The following COG3 variants were observed in gnomAD, a reference collection of about 807,000 sequenced individuals.
The protein encoded by COG3 is component of oligomeric golgi complex 3.
Under a neutral mutation model 114.1 loss-of-function variants are expected in COG3, and 32 were observed. The ratio of observed to expected loss-of-function variants is 0.28; its 90% confidence interval spans 0.21 to 0.38. The LOEUF (loss-of-function observed/expected upper bound fraction) is 0.38. COG3 is among the 10% of genes least tolerant of loss of function. The pLI is 1.00. For missense variants in COG3, 813 were observed against 973.2 expected (o/e 0.84, Z 2.19); for synonymous variants, 352 against 365.7 (o/e 0.96, Z 0.43).
intron 17 of COG3, among the ~76,000 whole-genome samples, chr13:45,518,067 C>T (rs1202819037): frequency 6.6e-6 from 1 of 152,220 alleles, no homozygotes; most frequent in Non-Finnish European, 1.5e-5. Context: ...TTCTTCATTA[C>T]TACCAGGGTC....
rs149840260 is a variant in COG3 at position 45,482,404 on chromosome 13, G to A, written c.648G>A (p.Ser216=). Reference sequence around the variant, plus strand: ...AGAAATTGAATTCCCCTACATTGTCGGTGAATAGTGACGGATTTATACCTA... The same window carrying A: ...AGAAATTGAATTCCCCTACATTGTCAGTGAATAGTGACGGATTTATACCTA... The part of the protein sequence containing the change: ...INTKLNSPTL[S]VNSDGFIPML... The change falls in exon 6 of 23, where the codon TCG becomes TCA. Residue 216 remains serine, a synonymous_variant. Transcript: ENST00000349995. 30 of 1,551,206 alleles carry A rather than the reference G, an allele frequency of 1.9e-5. No individual in the cohort carries two copies. In the East Asian group the frequency reaches 4.8e-4, roughly 25 times the overall value.
chr13:45,526,193 C>A (rs2137922205), intron 20 of COG3, among the ~76,000 whole-genome samples: 1 of 137,126 alleles, frequency 7.3e-6, no homozygotes, highest in Non-Finnish European at 1.5e-5. Context: ...TTAACCAATT[C>A]TCCTGCCTCA....
intron 13 of COG3, among the ~76,000 whole-genome samples, chr13:45,499,185 A>G (rs930499183): frequency 1.3e-5 from 2 of 151,790 alleles, no homozygotes; most frequent in African/African-American, 4.8e-5. Context: ...TCCTTTTCCC[A>G]TATCTCGTAT....
intron 12 of COG3, 72 bp downstream of exon 12, chr13:45,493,558 C>A (rs1887148140): frequency 1.5e-6 from 2 of 1,329,442 alleles, no homozygotes; most frequent in South Asian, 1.4e-5. Context: ...ATAAGTGCTT[C>A]TTCCCTCACC....
At position 45,509,550 on chromosome 13, in the gene COG3, T is replaced by A. The variant is rs182960587; in HGVS notation, c.1595-142T>A. Reference sequence around the variant, plus strand: ...TTTAGATTTCTTAGGGTATTCTTGATGAAAACTGAGGTGGGAAAAAATTGG... The same window carrying A: ...TTTAGATTTCTTAGGGTATTCTTGAAGAAAACTGAGGTGGGAAAAAATTGG... On this transcript the variant is annotated intron_variant, in intron 14 of 22. Coordinates refer to ENST00000349995, the MANE Select transcript of COG3 (RefSeq NM_031431.4). The A allele has an allele frequency of 5.7e-3, 4,897 of 858,116 alleles. 26 individuals are homozygous for A. The highest frequency in any genetic ancestry group is 6.1e-3 in the Non-Finnish European group (3,386 of 555,040). 53.2% of individuals were successfully genotyped at this position (858,116 alleles called of 1,614,324 possible).
intron 14 of COG3, among the ~76,000 whole-genome samples, chr13:45,506,788 G>C (rs905196646): frequency 6.6e-6 from 1 of 152,180 alleles, no homozygotes; most frequent in Non-Finnish European, 1.5e-5. Flanking sequence ...CACCTCTAAA[G>C]CTGGAAGTGA....
At chr13:45,524,947 A>G (rs1872533562) in intron 19 of COG3, 29 bp from the exon 20 acceptor site, 2 of 1,592,690 alleles carry the variant, frequency 1.3e-6, no homozygotes, top group Non-Finnish European at 8.6e-7. Context: ...ATGAAATGAA[A>G]CTTTTTTTCT....
At position 45,481,283 on chromosome 13, in the gene COG3, C is replaced by T. The variant is rs747849824; in HGVS notation, c.603C>T (p.Asn201=). 32 of 1,581,752 alleles carry T rather than the reference C, an allele frequency of 2.0e-5. No individual in the cohort carries two copies. Among genetic ancestry groups the T allele is most frequent in the East Asian group, 6.7e-5 (3 of 44,476 alleles). The stretch of plus-strand genomic sequence containing the variant: ...TTCAACAAAAGCTTTCCTATTTTAA[C>T]GAATTGGAAACTATTAACACAGTAA... ...ENIQQKLSYF[N]ELETINTKLN... is the part of the protein sequence containing the mutation. Residue 201 remains asparagine (N), a synonymous_variant, in exon 5 of 23, where the codon AAC becomes AAT. Coordinates refer to ENST00000349995, the MANE Select transcript of COG3 (RefSeq NM_031431.4).
chr13:45,528,222 T>C (rs897653019), intron 20 of COG3, among the ~76,000 whole-genome samples: 2 of 152,230 alleles, frequency 1.3e-5, no homozygotes, highest in Non-Finnish European at 2.9e-5. Flanking sequence ...TTTGTTATCC[T>C]ATATATAAAC....
At chr13:45,469,654 A>T (rs912896215) in intron 1 of COG3, among the ~76,000 whole-genome samples, 56 of 152,238 alleles carry the variant, frequency 3.7e-4, no homozygotes, top group Admixed American at 3.7e-3. Context: ...GAGTGTATAT[A>T]TAGGACCTAA....
intron 20 of COG3, among the ~76,000 whole-genome samples, chr13:45,528,151 TA>T (rs1034365045): frequency 6.6e-6 from 1 of 152,202 alleles, no homozygotes; most frequent in Non-Finnish European, 1.5e-5. Flanking sequence ...ATATAGTAAT[TA>T]AAAAAAATTA....
intron 4 of COG3, 128 bp from the exon 5 acceptor site, chr13:45,481,102 G>T: frequency 1.6e-6 from 1 of 638,494 alleles, no homozygotes; most frequent in South Asian, 1.8e-5. Flanking sequence ...AGAAATACTT[G>T]AGCTGAATTC....
chr13:45,514,739 C>A (rs1045637705), intron 16 of COG3, among the ~76,000 whole-genome samples: 2 of 152,028 alleles, frequency 1.3e-5, no homozygotes, highest in African/African-American at 4.8e-5. Context: ...GCTCCGCCTC[C>A]CAGGTTCACG....
intron 17 of COG3, among the ~76,000 whole-genome samples, chr13:45,517,357 G>A (rs1289393816): frequency 6.6e-6 from 1 of 152,078 alleles, no homozygotes; most frequent in Non-Finnish European, 1.5e-5. Flanking sequence ...TAACTCACCC[G>A]AGAGCCAGTG....
rs189168721 is a variant in COG3 at position 45,525,717 on chromosome 13, G to T, written c.2230+666G>T. ...GTGAGTTATTTTTGGTACCTCTTGCGGCATTTTAAATTGCCATTAAACCAG... is the reference window on the plus strand; with the variant it reads ...GTGAGTTATTTTTGGTACCTCTTGCTGCATTTTAAATTGCCATTAAACCAG... On this transcript the variant is annotated intron_variant, in intron 20 of 22. Transcript: ENST00000349995. Among the ~76,000 whole-genome samples, 3 of 133,278 alleles carry T rather than the reference G, an allele frequency of 2.3e-5. No individual in the cohort carries two copies. The East Asian group carries it at 7.3e-4, about 32-fold the overall frequency. The allele number at this position is 133,278 out of a possible 152,430, so 87.4% of individuals were successfully genotyped here.
At chr13:45,475,826 C>T (rs767417171) in intron 1 of COG3, among the ~76,000 whole-genome samples, 23 of 151,812 alleles carry the variant, frequency 1.5e-4, no homozygotes, top group Non-Finnish European at 2.5e-4. Context: ...ATTAGCTGGG[C>T]GTGGTGTTGC....
intron 13 of COG3, among the ~76,000 whole-genome samples, chr13:45,499,897 A>G (rs987404045): frequency 6.6e-6 from 1 of 152,048 alleles, no homozygotes; most frequent in Non-Finnish European, 1.5e-5. Flanking sequence ...TGGCGGCTGT[A>G]GTCCTAGCTA....
Position 45,529,929 on chromosome 13 carries a change from G to C in COG3, c.2358+11G>C. On this transcript the variant is annotated intron_variant, in intron 21 of 22. Transcript: ENST00000349995. ...TTTAAACCTGTGAGGGTGAGTATCAGATAACTCATTTGAATGTTGGCGGGT... is the reference window on the plus strand; with the variant it reads ...TTTAAACCTGTGAGGGTGAGTATCACATAACTCATTTGAATGTTGGCGGGT... The C allele has an allele frequency of 6.3e-7, 1 of 1,595,824 alleles. No homozygotes were observed. The highest frequency in any genetic ancestry group is 1.4e-5 in the African/African-American group (1 of 74,026).
rs749357332 is a variant in COG3 at position 45,516,717 on chromosome 13, G to A, written c.1930+454G>A. Among the ~76,000 whole-genome samples, 25 of 152,196 alleles carry A rather than the reference G, an allele frequency of 1.6e-4. 1 individual carries two copies. Among genetic ancestry groups the A allele is most frequent in the Non-Finnish European group, 3.1e-4 (21 of 67,988 alleles). On this transcript the variant is annotated intron_variant, in intron 17 of 22. Coordinates refer to ENST00000349995, the MANE Select transcript of COG3 (RefSeq NM_031431.4). ...TTTTCTTCCTGTCCCATCATTTCCC[G>A]GCCTTTGTGTGATCTTGGGTGGGTG... is the stretch of plus-strand genomic sequence containing the variant.
Sources: gnomAD v4.1 joint callset for allele counts (sites outside exome capture counted in the v4.1 genomes callset) on GRCh38, gnomAD v4.1.1 for gene constraint, MANE v1.5 for transcripts, NCBI Gene and HGNC (gene_info 2026-07-23, HGNC 2026-07-21) for gene names.